NOXRED1: variants seen among roughly 807,000 people sequenced by gnomAD.
The protein encoded by NOXRED1 is NADP dependent oxidoreductase domain containing 1, also known as NADP-dependent oxidoreductase domain-containing protein 1.
NOXRED1 carries 20 observed loss-of-function variants against 30.4 expected under a neutral mutation model. That is an observed-to-expected ratio of 0.66 (90% confidence interval 0.46 to 0.96). The LOEUF is 0.96. NOXRED1 is among the 40% of genes least tolerant of loss of function. The pLI, the probability that NOXRED1 is intolerant of heterozygous loss-of-function variation, is 0.00. For synonymous variants in NOXRED1, 155 were observed against 168.0 expected, an observed-to-expected ratio of 0.92 and a Z score of 0.60; for missense variants, 374 against 428.0, an observed-to-expected ratio of 0.87 and a Z score of 1.11.
rs530551177 is a variant in NOXRED1 at position 77,419,550 on chromosome 14, G to A, written c.155+3185C>T. 1.3e-4 allele frequency among the ~76,000 whole-genome samples: 18 copies of A among 143,160 alleles called. 1 individual carries two copies. Among genetic ancestry groups the A allele is most frequent in the East Asian group, 4.5e-4 (2 of 4,426 alleles). The allele number at this position is 143,160 out of a possible 152,430, so 93.9% of individuals were successfully genotyped here. A position where few individuals can be genotyped will look rare whatever the true frequency, so the allele number is the denominator to read the frequency against. Reference sequence around the variant, plus strand: ...TGCTACCTCCGCCTCCCGGGTTCACGCCATTCTCCTGCCTCAGCCTCCCAA... The same window carrying A: ...TGCTACCTCCGCCTCCCGGGTTCACACCATTCTCCTGCCTCAGCCTCCCAA... On this transcript the variant is annotated intron_variant, in intron 1 of 5. Coordinates refer to ENST00000380835, the MANE Select transcript of NOXRED1 (RefSeq NM_001113475.3).
intron 2 of NOXRED1, 128 bp downstream of exon 2, chr14:77,413,806 G>T: frequency 1.8e-6 from 1 of 563,592 alleles, no homozygotes; most frequent in Non-Finnish European, 3.0e-6. Flanking sequence ...ACCTTTCTTA[G>T]GGCTAGCAAG....
chr14:77,411,301 T>A (rs1894642105), intron 2 of NOXRED1, among the ~76,000 whole-genome samples: 1 of 151,378 alleles, frequency 6.6e-6, no homozygotes, highest in Non-Finnish European at 1.5e-5. Flanking sequence ...AAACACCATC[T>A]CTATTAAAAA....
chr14:77,423,829 A>T (rs1396896188), upstream of NOXRED1, among the ~76,000 whole-genome samples: 5 of 152,192 alleles, frequency 3.3e-5, no homozygotes, highest in African/African-American at 7.2e-5. Context: ...AACCAATAAA[A>T]TTTTTTCAGG....
intron 2 of NOXRED1, among the ~76,000 whole-genome samples, chr14:77,411,917 C>A (rs1894664754): frequency 6.6e-6 from 1 of 151,950 alleles, no homozygotes; most frequent in Non-Finnish European, 1.5e-5. Flanking sequence ...CATGGTGAAA[C>A]CCCGTCTCTA....
chr14:77,401,143 G>T (rs1454307019), intron 5 of NOXRED1, among the ~76,000 whole-genome samples: 2 of 152,204 alleles, frequency 1.3e-5, no homozygotes, highest in African/African-American at 4.8e-5. Flanking sequence ...GGGAGGCCGA[G>T]GTGGGTGGAT....
At chr14:77,396,351 G>C (rs541039200) in intron 5 of NOXRED1, among the ~76,000 whole-genome samples, 1 of 148,220 alleles carries the variant, frequency 6.7e-6, no homozygotes, top group South Asian at 2.1e-4. Context: ...CTGGGTTCAA[G>C]TGATTCTCCT....
intron 1 of NOXRED1, among the ~76,000 whole-genome samples, chr14:77,418,880 C>T (rs1008871903): frequency 1.3e-5 from 2 of 152,058 alleles, no homozygotes; most frequent in Admixed American, 6.6e-5. Context: ...TATGTGCCAC[C>T]CATCACAGTA....
chr14:77,410,495 G>T (rs1315072373), intron 2 of NOXRED1, among the ~76,000 whole-genome samples: 1 of 152,124 alleles, frequency 6.6e-6, no homozygotes, highest in South Asian at 2.1e-4. Context: ...TGTAATCCCA[G>T]GTATGTGAGG....
At chr14:77,414,180 T>A in intron 1 of NOXRED1, 53 bp from the exon 2 acceptor site, 3 of 1,002,578 alleles carry the variant, frequency 3.0e-6, no homozygotes. Flanking sequence ...CACTAGTTTT[T>A]CTTTTTTTTT....
intron 1 of NOXRED1, among the ~76,000 whole-genome samples, chr14:77,421,541 T>C (rs1894991617): frequency 1.3e-5 from 2 of 152,232 alleles, no homozygotes; most frequent in Admixed American, 1.3e-4. Context: ...TACACATAAA[T>C]GGTTTATAAA....
intron 2 of NOXRED1, among the ~76,000 whole-genome samples, chr14:77,413,214 C>A (rs1355259949): frequency 6.6e-6 from 1 of 151,502 alleles, no homozygotes; most frequent in African/African-American, 2.4e-5. Flanking sequence ...TGATTTCTAT[C>A]ACCATAAATG....
intron 2 of NOXRED1, among the ~76,000 whole-genome samples, chr14:77,411,059 T>C (rs1246305915): frequency 2.6e-5 from 4 of 152,206 alleles, no homozygotes; most frequent in African/African-American, 9.7e-5. Context: ...GGCAGCTTTA[T>C]TTGTAATAGC....
chr14:77,416,842 C>T (rs1274204253), intron 1 of NOXRED1, among the ~76,000 whole-genome samples: 43 of 150,654 alleles, frequency 2.9e-4, no homozygotes, highest in South Asian at 1.1e-3. Flanking sequence ...CTGACCCCCC[C>T]ACCTCCCTCC....
intron 2 of NOXRED1, among the ~76,000 whole-genome samples, chr14:77,410,837 C>A (rs147129187): frequency 0.013 from 1,955 of 152,116 alleles, 40 homozygotes; most frequent in African/African-American, 0.045. Flanking sequence ...CCAGCACTGA[C>A]CTGTGTGTAG....
intron 1 of NOXRED1, among the ~76,000 whole-genome samples, chr14:77,414,993 A>G (rs926374996): frequency 2.0e-5 from 3 of 152,074 alleles, no homozygotes; most frequent in Admixed American, 6.6e-5. Context: ...CCTGGGCAAC[A>G]TGTAAGACCT....
intron 2 of NOXRED1, among the ~76,000 whole-genome samples, chr14:77,412,188 G>C (rs964740820): frequency 1.3e-5 from 2 of 151,400 alleles, no homozygotes; most frequent in African/African-American, 4.9e-5. Context: ...TATGTACAAG[G>C]AAGTTCAACT....
rs1895040972 is a variant in NOXRED1 at position 77,422,956 on chromosome 14, G to A, written c.-67C>T. On this transcript the variant is annotated 5_prime_UTR_variant, in exon 1 of 6. Coordinates refer to ENST00000380835, the MANE Select transcript of NOXRED1 (RefSeq NM_001113475.3). ...TTGGCTCCCTGTCCCGGTAGAAGAG[G>A]GGTCTATGTAGGAGGTGTGTGTATG... The A allele has an allele frequency of 7.2e-7, 1 of 1,382,476 alleles. No homozygotes were observed. Among genetic ancestry groups the A allele is most frequent in the South Asian group, 1.3e-5 (1 of 77,476 alleles). The allele number at this position is 1,382,476 out of a possible 1,614,324, so 85.6% of individuals were successfully genotyped here. A position where few individuals can be genotyped will look rare whatever the true frequency, so the allele number is the denominator to read the frequency against.
intron 2 of NOXRED1, among the ~76,000 whole-genome samples, chr14:77,412,086 G>C (rs1270448123): frequency 2.6e-5 from 3 of 114,842 alleles, no homozygotes; most frequent in Non-Finnish European, 5.0e-5. Context: ...CTAGGTGACA[G>C]AGCAAGACTC....
At chr14:77,419,970 T>C (rs1184153333) in intron 1 of NOXRED1, among the ~76,000 whole-genome samples, 1 of 152,204 alleles carries the variant, frequency 6.6e-6, no homozygotes, top group Non-Finnish European at 1.5e-5. Flanking sequence ...TCATCCAAAT[T>C]GGAGTCCTCT....
Sources: allele counts gnomAD v4.1 joint callset (sites outside exome capture counted in the v4.1 genomes callset), GRCh38; gene constraint gnomAD v4.1.1; transcripts MANE v1.5; gene names NCBI Gene and HGNC (gene_info 2026-07-23, HGNC 2026-07-21).